MGAT4C: variants seen among roughly 807,000 people sequenced by gnomAD.
The protein encoded by MGAT4C is alpha-1,3-mannosyl-glycoprotein 4-beta-N-acetylglucosaminyltransferase C.
Under a neutral mutation model 40.1 loss-of-function variants are expected in MGAT4C, and 19 were observed. The observed-to-expected ratio is 0.47, with a 90% CI of 0.33 to 0.70. MGAT4C has a LOEUF of 0.70. MGAT4C is among the 30% of genes least tolerant of loss of function. MGAT4C has a pLI of 0.02. For synonymous variants in MGAT4C, 181 were observed against 187.1 expected (o/e 0.97, Z 0.27); for missense variants, 491 against 563.2 (o/e 0.87, Z 1.30).
At chr12:86,169,386 T>C (rs1566082914) in intron 1 of MGAT4C, among the ~76,000 whole-genome samples, 1 of 152,150 alleles carries the variant, frequency 6.6e-6, no homozygotes. Context: ...ACCATCAGAA[T>C]GTCCTATAGC....
At chr12:86,135,173 TTGAC>T (rs1881767548) in intron 1 of MGAT4C, among the ~76,000 whole-genome samples, 1 of 152,112 alleles carries the variant, frequency 6.6e-6, no homozygotes, top group Admixed American at 6.5e-5. Flanking sequence ...TTGGTGTTCT[TTGAC>T]TGTAAGCAAT....
chr12:86,675,652 G>A (rs1345118196), intron 2 of MGAT4C, among the ~76,000 whole-genome samples: 1 of 152,114 alleles, frequency 6.6e-6, no homozygotes, highest in Non-Finnish European at 1.5e-5. Flanking sequence ...CTTTGCCACT[G>A]ATCTTTTTTT....
rs3047014 is a variant in MGAT4C, at chr12:86,250,330, TGAGAGAGAGAGAGAGA to T, written c.-57+5893_-57+5908del. On this transcript the variant is annotated intron_variant, in intron 1 of 4. Transcript: ENST00000611864. ...ACAAGCAACCTACACACACACACAC[TGAGAGAGAGAGAGAGA>T]GAGAGAGAGAGAGAGAGAGAGAGAG... is the stretch of plus-strand genomic sequence containing the variant. 2.0e-3 allele frequency among the ~76,000 whole-genome samples: 280 copies of T among 142,924 alleles called. 1 individual carries two copies. Among genetic ancestry groups the T allele is most frequent in the African/African-American group, 6.3e-3 (245 of 38,634 alleles). 93.8% of individuals were successfully genotyped at this position (142,924 alleles called of 152,430 possible).
intron 1 of MGAT4C, among the ~76,000 whole-genome samples, chr12:86,234,172 G>A (rs368547525): frequency 2.4e-4 from 36 of 152,218 alleles, no homozygotes; most frequent in East Asian, 1.5e-3. Flanking sequence ...TAAAAAACAT[G>A]TATGTGTTTC....
intron 1 of MGAT4C, among the ~76,000 whole-genome samples, chr12:86,147,393 C>T (rs1593070852): frequency 1.3e-5 from 2 of 152,172 alleles, no homozygotes; most frequent in Non-Finnish European, 2.9e-5. Context: ...AGGCACCCGC[C>T]ACCACGCCCA....
At chr12:86,050,384 T>C (rs1892786256) in intron 1 of MGAT4C, among the ~76,000 whole-genome samples, 1 of 152,072 alleles carries the variant, frequency 6.6e-6, no homozygotes, top group Non-Finnish European at 1.5e-5. Flanking sequence ...ATAACATGCC[T>C]TTAAAATTAT....
intron 1 of MGAT4C, among the ~76,000 whole-genome samples, chr12:86,769,622 C>T (rs1342559091): frequency 1.3e-5 from 2 of 152,090 alleles, no homozygotes; most frequent in African/African-American, 4.8e-5. Flanking sequence ...ACCCAAATAT[C>T]CAACAATGAT....
intron 1 of MGAT4C, among the ~76,000 whole-genome samples, chr12:86,078,608 A>G (rs1870231332): frequency 1.3e-5 from 2 of 152,204 alleles, no homozygotes; most frequent in African/African-American, 4.8e-5. Context: ...GCTATATCGA[A>G]GGCTCAGTGT....
intron 1 of MGAT4C, among the ~76,000 whole-genome samples, chr12:86,777,004 A>G (rs895959940): frequency 6.6e-6 from 1 of 152,178 alleles, no homozygotes; most frequent in Non-Finnish European, 1.5e-5. Context: ...GTAGCTATCT[A>G]GGACTTACCC....
At chr12:86,205,298 C>CT (rs1491430200) in intron 1 of MGAT4C, among the ~76,000 whole-genome samples, 10 of 148,052 alleles carry the variant, frequency 6.8e-5, no homozygotes. Flanking sequence ...AAAATTATAC[C>CT]TTTTTCTAAG....
chr12:86,181,287 A>C (rs1035023280), intron 1 of MGAT4C, among the ~76,000 whole-genome samples: 2 of 152,166 alleles, frequency 1.3e-5, no homozygotes, highest in Admixed American at 1.3e-4. Flanking sequence ...CAGCATGAAA[A>C]AAAACTAATA....
At position 86,523,341 on chromosome 12, in the gene MGAT4C, T is replaced by C. The variant is rs1303331378; in HGVS notation, c.-228-88076A>G. 1.6e-4 allele frequency among the ~76,000 whole-genome samples: 24 copies of C among 152,178 alleles called. 1 individual carries two copies. Among genetic ancestry groups the C allele is most frequent in the Non-Finnish European group, 2.6e-4 (18 of 68,016 alleles). On this transcript the variant is annotated intron_variant, in intron 2 of 7. Transcript: ENST00000548651. ...CTTCTTGATTTCTGCCTTAATTTCATTATGTTCCCAAAAGTCATTCAGGAG... is the reference window on the plus strand; with the variant it reads ...CTTCTTGATTTCTGCCTTAATTTCACTATGTTCCCAAAAGTCATTCAGGAG...
chr12:86,186,666 G>A (rs915146102), intron 1 of MGAT4C, among the ~76,000 whole-genome samples: 2 of 152,074 alleles, frequency 1.3e-5, no homozygotes, highest in Admixed American at 1.3e-4. Context: ...CACAGGAGAA[G>A]CATACATGCC....
chr12:86,802,837 G>A (rs1264393074), intron 1 of MGAT4C, among the ~76,000 whole-genome samples: 7 of 142,948 alleles, frequency 4.9e-5, no homozygotes, highest in East Asian at 2.0e-4. Context: ...TGGCCATACT[G>A]CCCAAGGTAA....
chr12:86,763,945 C>T (rs7314296), intron 1 of MGAT4C, among the ~76,000 whole-genome samples: 2,005 of 152,144 alleles, frequency 0.013, 39 homozygotes, highest in African/African-American at 0.046. Flanking sequence ...ACGCAGAAGA[C>T]GGGTGATTTC....
At chr12:86,798,486 G>A (rs866896850) in intron 1 of MGAT4C, among the ~76,000 whole-genome samples, 1 of 151,828 alleles carries the variant, frequency 6.6e-6, no homozygotes, top group African/African-American at 2.4e-5. Flanking sequence ...ACTTCATTAT[G>A]TGCATCTCTT....
At chr12:86,011,392 T>A (rs1323355539) in intron 2 of MGAT4C, among the ~76,000 whole-genome samples, 1 of 152,202 alleles carries the variant, frequency 6.6e-6, no homozygotes, top group East Asian at 1.9e-4. Context: ...AGACAGAGAA[T>A]ATAAAAAATC....
At chr12:86,365,222 A>T (rs1394044643) in intron 3 of MGAT4C, among the ~76,000 whole-genome samples, 4 of 152,164 alleles carry the variant, frequency 2.6e-5, no homozygotes, top group Non-Finnish European at 5.9e-5. Flanking sequence ...GAAAGAAGAG[A>T]AATATGGCTC....
rs12308088 is a variant in MGAT4C, at chr12:86,462,862, C to T, written c.-228-27597G>A. ...CCAGCTGCGCTGGAAGCTGATTACA[C>T]GGTGTCCACCCATGTTGACAGTGGG... is the stretch of plus-strand genomic sequence containing the variant. On this transcript the variant is annotated intron_variant, in intron 2 of 7. Transcript: ENST00000548651. Among the ~76,000 whole-genome samples, 1,168 of 152,296 alleles carry T rather than the reference C, an allele frequency of 7.7e-3. 15 individuals are homozygous for T. The highest frequency in any genetic ancestry group is 0.025 in the African/African-American group (1,055 of 41,564).
Sources: allele counts gnomAD v4.1 joint callset (sites outside exome capture counted in the v4.1 genomes callset), GRCh38; gene constraint gnomAD v4.1.1; transcripts MANE v1.5; gene names NCBI Gene and HGNC (gene_info 2026-07-23, HGNC 2026-07-21).